Variants in LGALS9 observed in about 807,000 individuals in gnomAD.
LGALS9 encodes galectin 9.
Under a neutral mutation model 35.9 loss-of-function variants are expected in LGALS9, and 26 were observed. That is an observed-to-expected ratio of 0.72 (90% CI 0.53 to 1.01). The LOEUF is 1.01. Ranked by LOEUF, LGALS9 falls within the 50% of genes least tolerant of loss-of-function variation. The pLI, the probability that LGALS9 is intolerant of heterozygous loss-of-function variation, is 0.00. For synonymous variants in LGALS9, 149 were observed against 172.2 expected, an observed-to-expected ratio of 0.87 and a Z score of 1.06; for missense variants, 347 against 445.8, an observed-to-expected ratio of 0.78 and a Z score of 1.99.
chr17:27,642,140 C>A, intron 3 of LGALS9, 98 bp from the exon 4 acceptor site: 1 of 1,524,364 alleles, frequency 6.6e-7, no homozygotes, highest in Non-Finnish European at 8.8e-7. Flanking sequence ...AGACCAGACT[C>A]AGGTCTTCAT....
At chr17:27,632,355 G>C (rs1261988932) in intron 1 of LGALS9, among the ~76,000 whole-genome samples, 2 of 152,180 alleles carry the variant, frequency 1.3e-5, no homozygotes, top group African/African-American at 4.8e-5. Context: ...GGGCTTGAGT[G>C]CCCCCTGGTG....
In LGALS9 at chr17:27,646,693, T is replaced by A; in HGVS notation, c.669+105T>A. The stretch of plus-strand genomic sequence containing the variant: ...ACTGGCCTTGAAAAATTAAAAGCAG[T>A]CATTTGTTAAGCTGAAGGGCTTCAA... On this transcript the variant is annotated intron_variant, in intron 8 of 10. Coordinates refer to ENST00000395473, the MANE Select transcript of LGALS9 (RefSeq NM_009587.3). The A allele has an allele frequency of 1.9e-6, 3 of 1,566,448 alleles. No individual in the cohort carries two copies. The South Asian group carries it at 3.3e-5, about 17-fold the overall frequency.
At chr17:27,638,941 G>A (rs1598181741) in intron 2 of LGALS9, among the ~76,000 whole-genome samples, 1 of 152,116 alleles carries the variant, frequency 6.6e-6, no homozygotes, top group South Asian at 2.1e-4. Context: ...CCTCACTCAG[G>A]CCTGGCTGAC....
chr17:27,648,766 GGAGA>G, intron 10 of LGALS9, 66 bp from the exon 11 acceptor site: 1 of 1,607,968 alleles, frequency 6.2e-7, no homozygotes, highest in East Asian at 2.2e-5. Flanking sequence ...TGGGAGGGAG[GGAGA>G]GAGGAGGCTG....
At chr17:27,634,733 C>G (rs906427154) in intron 1 of LGALS9, among the ~76,000 whole-genome samples, 3 of 152,272 alleles carry the variant, frequency 2.0e-5, no homozygotes, top group East Asian at 1.9e-4. Flanking sequence ...GACAATCTCC[C>G]CATGCCAAAA....
Position 27,640,500 on chromosome 17 carries a change from C to T in LGALS9, c.132-72C>T. The T allele has an allele frequency of 5.0e-6, 8 of 1,600,632 alleles. No individual in the cohort carries two copies. The South Asian group carries it at 7.7e-5, about 15-fold the overall frequency. On this transcript the variant is annotated intron_variant, in intron 2 of 10. Transcript: ENST00000395473. The stretch of plus-strand genomic sequence containing the variant: ...TCCAGACAAATGCAAAGCACAGGCG[C>T]CGAGGCCCTCCTGTGCCTGTCACTG...
rs2151295458 is a variant in LGALS9 at position 27,643,533 on chromosome 17, C to T, written c.453C>T (p.Arg151=). Residue 151 remains arginine (R), a synonymous_variant, in exon 5 of 11, where the codon CGC becomes CGT. Coordinates refer to ENST00000395473, the MANE Select transcript of LGALS9 (RefSeq NM_009587.3). ...GCCTTTTGTTTTAACAGAACCCCCGCACAGTCCCTGTTCAGCCTGCCTTCT... is the reference window on the plus strand; with the variant it reads ...GCCTTTTGTTTTAACAGAACCCCCGTACAGTCCCTGTTCAGCCTGCCTTCT... ...QLSYISFQNP[R]TVPVQPAFST... is the part of the protein sequence containing the mutation. The T allele has an allele frequency of 6.2e-7, 1 of 1,611,938 alleles. No individual in the cohort carries two copies. Among genetic ancestry groups the T allele is most frequent in the Admixed American group, 1.7e-5 (1 of 60,008 alleles).
At chr17:27,639,864 G>C (rs962233995) in intron 2 of LGALS9, among the ~76,000 whole-genome samples, 1 of 152,158 alleles carries the variant, frequency 6.6e-6, no homozygotes, top group Admixed American at 6.5e-5. Flanking sequence ...AGCCTCCTGA[G>C]TAGCTGGGAC....
rs1239500534 is a variant in LGALS9, at chr17:27,645,335, A to C, written c.562A>C (p.Asn188His). Residue 188 changes from asparagine to histidine, a missense_variant, in exon 6 of 11, where the codon AAC becomes CAC. Physicochemically the swap from Asn to His is moderately conservative, Grantham distance 68. Coordinates refer to ENST00000395473, the MANE Select transcript of LGALS9 (RefSeq NM_009587.3). Reference sequence around the variant, plus strand: ...CCAGCCTCCCGGCGTGTGGCCTGCCAACCCGGCTCCCATTGTAAGTCTCTT... The same window carrying C: ...CCAGCCTCCCGGCGTGTGGCCTGCCCACCCGGCTCCCATTGTAAGTCTCTT... The part of the protein sequence containing the change: ...RQKPPGVWPA[N>H]PAPITQTVIH... 5.0e-6 allele frequency: 8 copies of C among 1,613,578 alleles called. No homozygotes were observed. Among genetic ancestry groups the C allele is most frequent in the South Asian group, 2.2e-5 (2 of 91,028 alleles).
At chr17:27,645,257 C>G in intron 5 of LGALS9, 57 bp from the exon 6 acceptor site, 1 of 1,613,650 alleles carries the variant, frequency 6.2e-7, no homozygotes, top group South Asian at 1.1e-5. Flanking sequence ...GCCACCATCT[C>G]CTCCCATTCT....
At chr17:27,634,822 G>A (rs1366698144) in intron 1 of LGALS9, among the ~76,000 whole-genome samples, 1 of 152,110 alleles carries the variant, frequency 6.6e-6, no homozygotes, top group Non-Finnish European at 1.5e-5. Context: ...GGATGTTTCT[G>A]GGGGGTGGCC....
At chr17:27,634,842 C>G (rs1258406760) in intron 1 of LGALS9, among the ~76,000 whole-genome samples, 1 of 152,136 alleles carries the variant, frequency 6.6e-6, no homozygotes, top group Non-Finnish European at 1.5e-5. Flanking sequence ...CCACTGGTAA[C>G]CAGTGTTATA....
intron 5 of LGALS9, chr17:27,644,567 G>A (rs1598187443): frequency 6.6e-6 from 1 of 152,436 alleles, no homozygotes; most frequent in African/African-American, 2.4e-5. Flanking sequence ...TCCAGGACAA[G>A]GAGGTGAGCA....
At chr17:27,631,540 G>GCTGTCCTGTC (rs1401510546) in intron 1 of LGALS9, among the ~76,000 whole-genome samples, 8 of 152,204 alleles carry the variant, frequency 5.3e-5, no homozygotes, top group Admixed American at 3.3e-4. Flanking sequence ...TGTTGACTGA[G>GCTGTCCTGTC]CTGTCCTGTC....
intron 1 of LGALS9, among the ~76,000 whole-genome samples, chr17:27,634,212 T>G (rs543333475): frequency 4.6e-5 from 7 of 152,238 alleles, no homozygotes; most frequent in Admixed American, 2.0e-4. Context: ...TTCTAGAGGC[T>G]GCCTGCAGGC....
chr17:27,643,797 G>T (rs1904712628), intron 5 of LGALS9, among the ~76,000 whole-genome samples, 177 bp downstream of exon 5: 1 of 152,082 alleles, frequency 6.6e-6, no homozygotes. Flanking sequence ...GGGTCACCCT[G>T]GATTCTTCAC....
chr17:27,641,633 A>C (rs1290739875), intron 3 of LGALS9, among the ~76,000 whole-genome samples: 3 of 152,138 alleles, frequency 2.0e-5, no homozygotes, highest in Non-Finnish European at 4.4e-5. Flanking sequence ...CCGTTTACCT[A>C]GTTAACAAAT....
At chr17:27,645,967 A>G in intron 7 of LGALS9, 56 bp downstream of exon 7, 1 of 1,612,686 alleles carries the variant, frequency 6.2e-7, no homozygotes, top group Non-Finnish European at 8.5e-7. Flanking sequence ...CTTCACCAAA[A>G]ACTAAACTCC....
At chr17:27,642,496 C>T (rs1904595159) in intron 4 of LGALS9, 148 bp downstream of exon 4, 4 of 1,152,324 alleles carry the variant, frequency 3.5e-6, no homozygotes, top group Non-Finnish European at 4.8e-6. Context: ...AGTACCTGCC[C>T]GCCCCTTCTC....
Sources: allele counts gnomAD v4.1 joint callset (sites outside exome capture counted in the v4.1 genomes callset), GRCh38; gene constraint gnomAD v4.1.1; transcripts MANE v1.5; gene names NCBI Gene and HGNC (gene_info 2026-07-23, HGNC 2026-07-21).